The following RERG variants were observed in gnomAD, a reference collection of about 807,000 sequenced individuals.
RERG encodes the protein ras-related and estrogen-regulated growth inhibitor.
In RERG, 25 loss-of-function variants were observed where a neutral mutation model predicts 23.2. The observed-to-expected ratio is 1.08, with a 90% CI of 0.79 to 1.50. RERG has a LOEUF of 1.50. RERG is among the 40% of genes most tolerant of loss of function. The pLI, the probability that RERG is intolerant of heterozygous loss-of-function variation, is 0.00. For missense variants in RERG, 253 were observed against 250.1 expected, an observed-to-expected ratio of 1.01 and a Z score of -0.08; for synonymous variants, 81 against 89.1, an observed-to-expected ratio of 0.91 and a Z score of 0.51.
intron 2 of RERG, among the ~76,000 whole-genome samples, chr12:15,196,751 T>C (rs1052119107): frequency 6.6e-6 from 1 of 152,168 alleles, no homozygotes; most frequent in Non-Finnish European, 1.5e-5. Flanking sequence ...TTGAGGTAGG[T>C]ATTTTGTACA....
At chr12:15,118,687 T>C (rs1247413313) in intron 3 of RERG, among the ~76,000 whole-genome samples, 1 of 123,128 alleles carries the variant, frequency 8.1e-6, no homozygotes, top group East Asian at 2.3e-4. Flanking sequence ...GGGATCTGGT[T>C]GTTTTAAAGT....
chr12:15,215,794 C>T (rs1865433183), intron 2 of RERG, among the ~76,000 whole-genome samples: 1 of 152,112 alleles, frequency 6.6e-6, no homozygotes. Flanking sequence ...AAACAGGCAT[C>T]CCAGCTCAGG....
intron 2 of RERG, among the ~76,000 whole-genome samples, chr12:15,210,696 T>C (rs1865354509): frequency 6.6e-6 from 1 of 152,228 alleles, no homozygotes; most frequent in African/African-American, 2.4e-5. Flanking sequence ...CTGCCTTTTA[T>C]ACATATACGT....
chr12:15,148,163 A>G (rs1334253648), intron 2 of RERG, among the ~76,000 whole-genome samples: 1 of 152,196 alleles, frequency 6.6e-6, no homozygotes, highest in African/African-American at 2.4e-5. Flanking sequence ...ACGTGACCTG[A>G]GAGAAAAAAG....
intron 3 of RERG, among the ~76,000 whole-genome samples, chr12:15,115,348 T>A (rs973205251): frequency 6.6e-6 from 1 of 152,072 alleles, no homozygotes; most frequent in African/African-American, 2.4e-5. Context: ...ACACAGATAA[T>A]AAATGGTAGA....
chr12:15,108,995 A>G lies in RERG; in HGVS notation c.*115T>C. ...CTATTAGAGGCCAGAAACAATGGGA[A>G]GCCCAGACATTTCTCAGAATCCAAA... On this transcript the variant is annotated 3_prime_UTR_variant, in exon 5 of 5. Transcript: ENST00000256953. 2.7e-6 allele frequency: 3 copies of G among 1,108,076 alleles called. No individual in the cohort carries two copies. The highest frequency in any genetic ancestry group is 3.2e-5 in the South Asian group (2 of 61,876). 68.6% of individuals were successfully genotyped at this position (1,108,076 alleles called of 1,614,324 possible).
intron 2 of RERG, among the ~76,000 whole-genome samples, chr12:15,139,465 T>G (rs1238319220): frequency 6.6e-6 from 1 of 152,154 alleles, no homozygotes; most frequent in African/African-American, 2.4e-5. Flanking sequence ...ATGCAGTATC[T>G]CTCCATTTAT....
intron 2 of RERG, among the ~76,000 whole-genome samples, chr12:15,131,723 T>C (rs906576085): frequency 4.6e-5 from 7 of 152,188 alleles, no homozygotes; most frequent in African/African-American, 1.7e-4. Flanking sequence ...TACAAGTTAC[T>C]CTCTTCATCA....
At position 15,155,229 on chromosome 12, in the gene RERG, T is replaced by G. The variant is rs1300540630; in HGVS notation, c.62-34110A>C. ...CTGCATTGTAACTTTTGGAAAAACA[T>G]GCACACACCTGGTGCCACCTGGGTA... is the stretch of plus-strand genomic sequence containing the variant. On this transcript the variant is annotated intron_variant, in intron 2 of 4. Coordinates refer to ENST00000256953, the MANE Select transcript of RERG (RefSeq NM_032918.3). The G allele has an allele frequency of 2.6e-5, 4 of 152,164 alleles. No individual in the cohort carries two copies. The East Asian group carries it at 7.7e-4, about 29-fold the overall frequency. 9.4% of individuals were successfully genotyped at this position (152,164 alleles called of 1,614,324 possible).
chr12:15,204,371 G>A (rs1179214547), intron 2 of RERG, among the ~76,000 whole-genome samples: 4 of 151,646 alleles, frequency 2.6e-5, no homozygotes, highest in Admixed American at 1.3e-4. Flanking sequence ...CAGTATTCGT[G>A]TGCAAAATAA....
chr12:15,220,145 T>C (rs985667015), intron 1 of RERG, among the ~76,000 whole-genome samples: 6 of 152,224 alleles, frequency 3.9e-5, no homozygotes, highest in African/African-American at 1.4e-4. Flanking sequence ...TTTCTGATGT[T>C]CCAAATAATT....
intron 2 of RERG, among the ~76,000 whole-genome samples, chr12:15,175,359 G>A (rs561816891): frequency 6.7e-6 from 1 of 149,724 alleles, no homozygotes; most frequent in African/African-American, 2.5e-5. Flanking sequence ...GTGTGTGTGT[G>A]TGTGTGTGTG....
chr12:15,140,325 A>T (rs1864216000), intron 2 of RERG, among the ~76,000 whole-genome samples: 1 of 151,760 alleles, frequency 6.6e-6, no homozygotes, highest in Non-Finnish European at 1.5e-5. Context: ...CCTCACAGAT[A>T]CTCCCAACTC....
intron 2 of RERG, among the ~76,000 whole-genome samples, chr12:15,133,740 T>G (rs1864095203): frequency 1.3e-5 from 2 of 151,648 alleles, no homozygotes; most frequent in African/African-American, 4.8e-5. Flanking sequence ...TTTTTTTTTT[T>G]TTGCTCCACA....
At chr12:15,142,703 AG>A (rs1170161626) in intron 2 of RERG, among the ~76,000 whole-genome samples, 1 of 152,020 alleles carries the variant, frequency 6.6e-6, no homozygotes, top group Non-Finnish European at 1.5e-5. Context: ...GAGAAGAGAG[AG>A]GGGGGGTAGG....
At chr12:15,177,447 T>C (rs1475876156) in intron 2 of RERG, among the ~76,000 whole-genome samples, 1 of 152,036 alleles carries the variant, frequency 6.6e-6, no homozygotes, top group South Asian at 2.1e-4. Context: ...AATGAGACTC[T>C]GCCTCAAAGA....
Position 15,109,521 on chromosome 12 carries a change from T to C in RERG, c.193-4A>G, listed in dbSNP as rs530687251. On this transcript the variant is annotated splice_polypyrimidine_tract_variant and splice_region_variant and intron_variant, in intron 4 of 4. Transcript: ENST00000256953. Reference sequence around the variant, plus strand: ...CCTCCCTCTGAATGGTATCTTCCTGTTGGCAAAGAAAAATGGCCGTCAAGA... The same window carrying C: ...CCTCCCTCTGAATGGTATCTTCCTGCTGGCAAAGAAAAATGGCCGTCAAGA... 1.3e-6 allele frequency: 2 copies of C among 1,567,410 alleles called. No individual in the cohort carries two copies. The highest frequency in any genetic ancestry group is 1.4e-5 in the African/African-American group (1 of 73,306).
chr12:15,116,570 T>C (rs536055857), intron 3 of RERG, among the ~76,000 whole-genome samples: 1 of 152,110 alleles, frequency 6.6e-6, no homozygotes, highest in African/African-American at 2.4e-5. Context: ...TAGCAGCGTG[T>C]GGTAGCGTGA....
chr12:15,130,199 T>C (rs1451501076), intron 2 of RERG, among the ~76,000 whole-genome samples: 1 of 152,172 alleles, frequency 6.6e-6, no homozygotes, highest in African/African-American at 2.4e-5. Context: ...CACTGCCCCA[T>C]AAGCAGTGGA....
Sources: allele counts gnomAD v4.1 joint callset (sites outside exome capture counted in the v4.1 genomes callset), GRCh38; gene constraint gnomAD v4.1.1; transcripts MANE v1.5; gene names NCBI Gene and HGNC (gene_info 2026-07-23, HGNC 2026-07-21).